Variants in PTPRD observed in about 807,000 individuals in gnomAD.
PTPRD encodes the protein receptor-type tyrosine-protein phosphatase delta.
Under a neutral mutation model 214.5 loss-of-function variants are expected in PTPRD, and 34 were observed. That is an observed-to-expected ratio of 0.16 (90% CI 0.12 to 0.21). The LOEUF (loss-of-function observed/expected upper bound fraction) is 0.21, where lower values mean the gene tolerates loss of function less well. Ranked by LOEUF, PTPRD falls within the 10% of genes least tolerant of loss-of-function variation. The pLI is 1.00. For missense variants in PTPRD, 2,545 were observed against 2,398.7 expected (o/e 1.06, Z -1.27); for synonymous variants, 1,128 against 845.7 (o/e 1.33, Z -5.79).
At chr9:9,297,897 T>C (rs1174205264) in intron 9 of PTPRD, among the ~76,000 whole-genome samples, 1 of 151,710 alleles carries the variant, frequency 6.6e-6, no homozygotes, top group African/African-American at 2.4e-5. Flanking sequence ...TAGTAGATCA[T>C]ATAATCCTTA....
At chr9:10,285,755 C>T (rs1281858469) in intron 3 of PTPRD, among the ~76,000 whole-genome samples, 2 of 151,876 alleles carry the variant, frequency 1.3e-5, no homozygotes, top group Non-Finnish European at 2.9e-5. Flanking sequence ...GGATTACAGG[C>T]GCCTGCCACC....
chr9:8,667,614 A>AT (rs1491498059), intron 12 of PTPRD, among the ~76,000 whole-genome samples: 1 of 152,212 alleles, frequency 6.6e-6, no homozygotes, highest in Non-Finnish European at 1.5e-5. Context: ...CATATAAGAC[A>AT]TATAAAATAT....
intron 7 of PTPRD, among the ~76,000 whole-genome samples, chr9:9,590,958 G>A (rs1031720809): frequency 2.6e-5 from 4 of 151,968 alleles, no homozygotes; most frequent in African/African-American, 9.7e-5. Flanking sequence ...CACAAAATGG[G>A]CTCCATTTTG....
chr9:9,359,590 A>G (rs10511524), intron 9 of PTPRD, among the ~76,000 whole-genome samples: 18,023 of 151,250 alleles, frequency 0.12, 1,371 homozygotes, highest in Non-Finnish European at 0.17. Flanking sequence ...ACTTGAAACC[A>G]ACTAAACCTA....
chr9:8,458,729 G>C (rs2096287165), intron 33 of PTPRD, among the ~76,000 whole-genome samples: 2 of 152,152 alleles, frequency 1.3e-5, no homozygotes, highest in South Asian at 4.2e-4. Context: ...TACATGGAGA[G>C]AGGTAATAAA....
chr9:10,563,794 G>C (rs913976185), intron 2 of PTPRD, among the ~76,000 whole-genome samples: 2 of 151,708 alleles, frequency 1.3e-5, no homozygotes, highest in Non-Finnish European at 2.9e-5. Context: ...AACAATTTTT[G>C]AAGTAACTGT....
intron 10 of PTPRD, among the ~76,000 whole-genome samples, chr9:9,163,475 T>C (rs995088044): frequency 6.6e-6 from 1 of 152,070 alleles, no homozygotes; most frequent in Non-Finnish European, 1.5e-5. Flanking sequence ...AATTGCTTTC[T>C]GGATATTTCT....
chr9:8,997,870 C>T (rs1308041068), intron 11 of PTPRD, among the ~76,000 whole-genome samples: 1 of 152,032 alleles, frequency 6.6e-6, no homozygotes, highest in Non-Finnish European at 1.5e-5. Flanking sequence ...GTGAAACAGC[C>T]TTATTGCTGA....
chr9:9,271,620 G>A (rs961259085), intron 9 of PTPRD, among the ~76,000 whole-genome samples: 5 of 151,336 alleles, frequency 3.3e-5, no homozygotes, highest in South Asian at 4.1e-4. Context: ...TAAAAAGCCT[G>A]TTGCTATGCA....
chr9:9,071,262 GT>G (rs2099743312), intron 10 of PTPRD, among the ~76,000 whole-genome samples: 2 of 152,250 alleles, frequency 1.3e-5, no homozygotes, highest in Admixed American at 6.5e-5. Flanking sequence ...CTCCCCTTGA[GT>G]TTGGACAAGG....
intron 11 of PTPRD, among the ~76,000 whole-genome samples, chr9:8,894,679 C>G (rs1172753610): frequency 6.6e-6 from 1 of 152,050 alleles, no homozygotes; most frequent in Non-Finnish European, 1.5e-5. Flanking sequence ...TGAACGTATG[C>G]TATATTGCAA....
rs866753115 is a variant in PTPRD, at chr9:9,775,484, C to T, written c.-367-8633G>A. Among the ~76,000 whole-genome samples, 4 of 152,128 alleles carry T rather than the reference C, an allele frequency of 2.6e-5. No individual in the cohort carries two copies. The South Asian group carries it at 8.3e-4, about 31-fold the overall frequency. ...GAATTACAATCAAATAATTAATTCACCTCTGTATTTCTAGGATTTTACACC... is the reference window on the plus strand; with the variant it reads ...GAATTACAATCAAATAATTAATTCATCTCTGTATTTCTAGGATTTTACACC... On this transcript the variant is annotated intron_variant, in intron 5 of 45. Coordinates refer to ENST00000381196, the MANE Select transcript of PTPRD (RefSeq NM_002839.4).
At chr9:10,492,372 C>G (rs1321602366) in intron 2 of PTPRD, among the ~76,000 whole-genome samples, 1 of 152,034 alleles carries the variant, frequency 6.6e-6, no homozygotes, top group Non-Finnish European at 1.5e-5. Context: ...CCTCCAGCAT[C>G]TGTTGTTTCC....
intron 43 of PTPRD, among the ~76,000 whole-genome samples, chr9:8,332,329 G>GC (rs1056896532): frequency 2.5e-4 from 38 of 152,182 alleles, no homozygotes; most frequent in Non-Finnish European, 4.3e-4. Flanking sequence ...TAACCTGGAT[G>GC]CCCCCCATGT....
chr9:9,886,706 C>T (rs2071066164), intron 5 of PTPRD, among the ~76,000 whole-genome samples: 1 of 152,148 alleles, frequency 6.6e-6, no homozygotes, highest in Admixed American at 6.6e-5. Context: ...CACTACATGA[C>T]TTTTGTGGTT....
At chr9:9,529,614 A>G (rs1211629910) in intron 8 of PTPRD, among the ~76,000 whole-genome samples, 1 of 152,166 alleles carries the variant, frequency 6.6e-6, no homozygotes, top group African/African-American at 2.4e-5. Flanking sequence ...TAAAACAGCT[A>G]AAATTAACTT....
chr9:9,288,273 T>C (rs1221349194), intron 9 of PTPRD, among the ~76,000 whole-genome samples: 1 of 151,922 alleles, frequency 6.6e-6, no homozygotes, highest in Non-Finnish European at 1.5e-5. Context: ...ATTCAGTATA[T>C]TATGCTATTT....
chr9:8,839,769 T>C (rs1298122288), intron 11 of PTPRD, among the ~76,000 whole-genome samples: 1 of 150,686 alleles, frequency 6.6e-6, no homozygotes, highest in Non-Finnish European at 1.5e-5. Flanking sequence ...TTGATAACAG[T>C]GGGAGAAATG....
At chr9:9,906,376 C>T (rs1325692373) in intron 5 of PTPRD, among the ~76,000 whole-genome samples, 1 of 151,854 alleles carries the variant, frequency 6.6e-6, no homozygotes, top group Non-Finnish European at 1.5e-5. Flanking sequence ...TTATCGTTGT[C>T]TTTATTTTAT....
Sources: gnomAD v4.1 joint callset for allele counts (sites outside exome capture counted in the v4.1 genomes callset) on GRCh38, gnomAD v4.1.1 for gene constraint, MANE v1.5 for transcripts, NCBI Gene and HGNC (gene_info 2026-07-23, HGNC 2026-07-21) for gene names.